Variants in IFT74 observed in about 807,000 individuals in gnomAD.
IFT74 encodes intraflagellar transport 74, also known as intraflagellar transport protein 74 homolog.
Under a neutral mutation model 96.7 loss-of-function variants are expected in IFT74, and 92 were observed. The ratio of observed to expected loss-of-function variants is 0.95; its 90% CI spans 0.80 to 1.13. The LOEUF (loss-of-function observed/expected upper bound fraction) is 1.13, where lower values mean the gene tolerates loss of function less well. IFT74 is among the 50% of genes most tolerant of loss of function. IFT74 has a pLI of 0.00. For missense variants in IFT74, 811 were observed against 698.2 expected, an observed-to-expected ratio of 1.16 and a Z score of -1.82; for synonymous variants, 223 against 213.2, an observed-to-expected ratio of 1.05 and a Z score of -0.40.
intron 8 of IFT74, chr9:26,995,476 G>A: frequency 8.8e-7 from 1 of 1,137,382 alleles, no homozygotes; most frequent in Non-Finnish European, 1.2e-6. Flanking sequence ...TATCTAAACT[G>A]AGTGAGCTGA....
chr9:27,045,810 A>G (rs1587409325), intron 14 of IFT74, among the ~76,000 whole-genome samples: 1 of 152,178 alleles, frequency 6.6e-6, no homozygotes, highest in African/African-American at 2.4e-5. Context: ...CAATGTACCA[A>G]GTTTTCTTTA....
intron 13 of IFT74, 49 bp downstream of exon 13, chr9:27,029,153 A>G: frequency 4.2e-6 from 6 of 1,429,572 alleles, no homozygotes; most frequent in Non-Finnish European, 5.8e-6. Context: ...GTTTAGCAGT[A>G]TTAATATAGT....
chr9:26,947,165 C>A, intron 1 of IFT74: 10 of 1,198,950 alleles, frequency 8.3e-6, no homozygotes, highest in Non-Finnish European at 1.1e-5. Flanking sequence ...CGGCCGGAGA[C>A]CGGAAGAGCC....
intron 1 of IFT74, among the ~76,000 whole-genome samples, chr9:26,948,293 T>C (rs1005781747): frequency 1.6e-4 from 25 of 152,138 alleles, no homozygotes; most frequent in African/African-American, 5.5e-4. Context: ...GTTAGAAATC[T>C]GTACCAATTA....
Position 27,060,644 on chromosome 9 carries a change from G to A in IFT74, c.1677G>A (p.Met559Ile). 1.2e-6 allele frequency: 2 copies of A among 1,600,380 alleles called. No homozygotes were observed. The highest frequency in any genetic ancestry group is 1.7e-6 in the Non-Finnish European group (2 of 1,171,244). The change falls in exon 19 of 20, where the codon ATG becomes ATA. Residue 559 changes from methionine (M) to isoleucine (I), a missense_variant. Transcript: ENST00000380062. The part of the protein sequence containing the change: ...WQHLEQNNFA[M>I]KEFIATKSQE... ...ACCTTGAGCAAAATAATTTTGCGAT[G>A]AAAGAATGTATCCTTTAAAAAGCTG... is the stretch of plus-strand genomic sequence containing the variant.
intron 2 of IFT74, among the ~76,000 whole-genome samples, chr9:26,973,377 C>T (rs1826962304): frequency 6.6e-6 from 1 of 152,170 alleles, no homozygotes; most frequent in African/African-American, 2.4e-5. Context: ...CAATTACAGG[C>T]TTTAACCCTA....
chr9:27,041,579 T>G (rs1819481471), intron 13 of IFT74, among the ~76,000 whole-genome samples: 1 of 152,202 alleles, frequency 6.6e-6, no homozygotes, highest in Non-Finnish European at 1.5e-5. Context: ...CCCTCTCCCT[T>G]GGTCTCCTCA....
chr9:27,036,311 C>A, intron 13 of IFT74: 1 of 1,231,300 alleles, frequency 8.1e-7, no homozygotes, highest in Non-Finnish European at 1.1e-6. Flanking sequence ...CTGTATTTCC[C>A]AGAGAATGTA....
At position 26,968,364 on chromosome 9, in the gene IFT74, C is replaced by T. The variant is rs546981897; in HGVS notation, c.120+6277C>T. 7.6e-4 allele frequency among the ~76,000 whole-genome samples: 116 copies of T among 151,938 alleles called. 2 individuals are homozygous for T. The highest frequency in any genetic ancestry group is 6.5e-3 in the Admixed American group (99 of 15,264). ...ACAACCTCTGCCTCCCGGGTTCAAG[C>T]GATTCTCCTTTCTCAGCCTCCCAAG... On this transcript the variant is annotated intron_variant, in intron 2 of 19. Coordinates refer to ENST00000380062, the MANE Select transcript of IFT74 (RefSeq NM_025103.4).
chr9:27,032,587 G>T (rs999721668), intron 13 of IFT74, among the ~76,000 whole-genome samples: 1 of 152,042 alleles, frequency 6.6e-6, no homozygotes, highest in African/African-American at 2.4e-5. Context: ...AAGTGTCCTG[G>T]CCGGGTGCAG....
intron 12 of IFT74, among the ~76,000 whole-genome samples, chr9:27,027,757 A>G (rs1829935533): frequency 6.6e-6 from 1 of 152,108 alleles, no homozygotes; most frequent in African/African-American, 2.4e-5. Flanking sequence ...TATGAATTCT[A>G]TGAATTATCT....
At chr9:26,970,264 A>G (rs1281735730) in intron 2 of IFT74, among the ~76,000 whole-genome samples, 1 of 152,190 alleles carries the variant, frequency 6.6e-6, no homozygotes, top group Non-Finnish European at 1.5e-5. Flanking sequence ...AAACATACAA[A>G]CAATGGAGAA....
rs1827549793 is a variant in IFT74, at chr9:26,984,521, A to G, written c.427A>G (p.Ile143Val). Residue 143 changes from isoleucine (I) to valine (V), a missense_variant, in exon 6 of 20, where the codon ATA becomes GTA. Ile to Val is a conservative substitution (Grantham distance 29, BLOSUM62 3). Transcript: ENST00000380062. ...EKRAETLAVE[I>V]KELQGQLADY... ...CAGGGCTGAGACTTTAGCTGTTGAG[A>G]TAAAAGAGCTTCAAGGACAACTAGC... 1.2e-6 allele frequency: 2 copies of G among 1,612,542 alleles called. No homozygotes were observed. The highest frequency in any genetic ancestry group is 4.5e-5 in the East Asian group (2 of 44,752).
intron 8 of IFT74, among the ~76,000 whole-genome samples, chr9:26,997,022 C>A (rs1226747282): frequency 6.6e-6 from 1 of 151,920 alleles, no homozygotes; most frequent in Non-Finnish European, 1.5e-5. Context: ...ACCAGCCTGA[C>A]AAACATGGAG....
chr9:26,948,403 T>G (rs1386527571), intron 1 of IFT74, among the ~76,000 whole-genome samples: 4 of 150,610 alleles, frequency 2.7e-5, no homozygotes, highest in Admixed American at 1.3e-4. Context: ...AAATATACAC[T>G]TAATTGTTTT....
intron 8 of IFT74, chr9:26,998,027 A>G (rs1451193689): frequency 2.5e-6 from 4 of 1,613,868 alleles, no homozygotes; most frequent in Non-Finnish European, 3.4e-6. Flanking sequence ...TAAAATTTCT[A>G]GACTGGAGAG....
chr9:27,035,115 G>A (rs1481242153), intron 13 of IFT74, among the ~76,000 whole-genome samples: 1 of 152,094 alleles, frequency 6.6e-6, no homozygotes, highest in Admixed American at 6.5e-5. Context: ...ATTCATAATA[G>A]CAGTCAATTT....
At chr9:26,983,484 C>T (rs866221481) in intron 4 of IFT74, among the ~76,000 whole-genome samples, 5 of 152,156 alleles carry the variant, frequency 3.3e-5, no homozygotes, top group Admixed American at 6.5e-5. Flanking sequence ...GGAAGTGCTA[C>T]TGATACTCAG....
chr9:26,947,340 C>A (rs369209905), intron 1 of IFT74: 5 of 411,314 alleles, frequency 1.2e-5, no homozygotes, highest in East Asian at 8.7e-5. Context: ...AGCTGGCTTT[C>A]CTCCAGGGCT....
Sources: allele counts gnomAD v4.1 joint callset (sites outside exome capture counted in the v4.1 genomes callset), GRCh38; gene constraint gnomAD v4.1.1; transcripts MANE v1.5; gene names NCBI Gene and HGNC (gene_info 2026-07-23, HGNC 2026-07-21).